The following PRKCZ variants were observed in gnomAD, a reference collection of about 807,000 sequenced individuals.
The protein encoded by PRKCZ is protein kinase C zeta, also known as protein kinase C zeta type.
A neutral mutation model predicts 79.5 loss-of-function variants in PRKCZ; 33 were observed. That is an observed-to-expected ratio of 0.41 (90% CI 0.31 to 0.55). PRKCZ has a LOEUF of 0.55. Among genes scored for constraint, PRKCZ ranks in the 20% least tolerant of loss-of-function variants. The pLI, the probability that PRKCZ is intolerant of heterozygous loss-of-function variation, is 0.19. For missense variants in PRKCZ, 578 were observed against 813.5 expected (o/e 0.71, Z 3.52); for synonymous variants, 342 against 320.9 (o/e 1.07, Z -0.70).
chr1:2,107,765 C>T (rs1351416722), intron 4 of PRKCZ, among the ~76,000 whole-genome samples: 1 of 152,142 alleles, frequency 6.6e-6, no homozygotes, highest in Admixed American at 6.5e-5. Flanking sequence ...AGGGAGCCCC[C>T]AACACCCAGC....
chr1:2,110,004 C>A (rs565907507), intron 4 of PRKCZ, among the ~76,000 whole-genome samples: 179 of 152,326 alleles, frequency 1.2e-3, no homozygotes, highest in South Asian at 2.3e-3. Context: ...AGGAGCCGGC[C>A]AGCATGGGCC....
intron 7 of PRKCZ, among the ~76,000 whole-genome samples, chr1:2,148,127 C>T (rs1312891474): frequency 2.7e-5 from 4 of 146,528 alleles, no homozygotes; most frequent in South Asian, 2.2e-4. Context: ...TGTCCACTGA[C>T]GTCTCCATCT....
chr1:2,159,507 A>G (rs935291637), intron 10 of PRKCZ, among the ~76,000 whole-genome samples: 1 of 152,222 alleles, frequency 6.6e-6, no homozygotes, highest in Non-Finnish European at 1.5e-5. Context: ...TCCAGGGGGA[A>G]CCTGGCCGAT....
intron 4 of PRKCZ, among the ~76,000 whole-genome samples, chr1:2,110,855 AG>A (rs1669600069): frequency 6.6e-6 from 1 of 152,128 alleles, no homozygotes; most frequent in Non-Finnish European, 1.5e-5. Flanking sequence ...GGCTGGTGAC[AG>A]TGGACTCTGT....
At chr1:2,098,108 A>T (rs1373008806) in intron 4 of PRKCZ, among the ~76,000 whole-genome samples, 1 of 7,602 alleles carries the variant, frequency 1.3e-4, no homozygotes, top group Non-Finnish European at 2.4e-4. Flanking sequence ...CTAAGGTCAG[A>T]GCAGGTGACC....
At chr1:2,081,807 AC>A (rs1158645529) in intron 4 of PRKCZ, among the ~76,000 whole-genome samples, 1 of 142,756 alleles carries the variant, frequency 7.0e-6, no homozygotes, top group Non-Finnish European at 1.5e-5. Context: ...CGCCCCCCAC[AC>A]CCCACCACTG....
At chr1:2,074,606 C>A in intron 4 of PRKCZ, 1 of 467,530 alleles carries the variant, frequency 2.1e-6, no homozygotes, top group Non-Finnish European at 3.9e-6. Context: ...CTCGAGCCTG[C>A]CCTCCCGCCT....
chr1:2,126,149 C>G (rs530234291), intron 4 of PRKCZ, among the ~76,000 whole-genome samples: 24 of 152,218 alleles, frequency 1.6e-4, no homozygotes, highest in Non-Finnish European at 2.9e-4. Context: ...CTCCTCCCCC[C>G]GCCTGCACCA....
chr1:2,136,479 C>T (rs528893427), intron 5 of PRKCZ, among the ~76,000 whole-genome samples: 1 of 152,156 alleles, frequency 6.6e-6, no homozygotes, highest in Non-Finnish European at 1.5e-5. Flanking sequence ...ATCATACTGC[C>T]TGGGAGGTCA....
chr1:2,071,940 C>T (rs937660974), intron 4 of PRKCZ, among the ~76,000 whole-genome samples: 1 of 152,180 alleles, frequency 6.6e-6, no homozygotes, highest in Non-Finnish European at 1.5e-5. Context: ...ACTTTATGCA[C>T]GCTGAAATCT....
intron 4 of PRKCZ, among the ~76,000 whole-genome samples, chr1:2,097,762 G>C (rs1479227140): frequency 6.6e-6 from 1 of 152,182 alleles, no homozygotes; most frequent in Non-Finnish European, 1.5e-5. Context: ...AATAAATTTT[G>C]GGTGCTGCAA....
In PRKCZ at chr1:2,156,100, A is replaced by G. The variant is rs1362849433; in HGVS notation, c.974+8A>G. The G allele has an allele frequency of 1.2e-6, 2 of 1,602,460 alleles. No individual in the cohort carries two copies. The highest frequency in any genetic ancestry group is 1.7e-4 in the Middle Eastern group (1 of 6,040). The stretch of plus-strand genomic sequence containing the variant: ...CTTCCAGACGACAAGTCGGTAAGAA[A>G]AAGAAGGGTATTTCTGATATTCTGC... On this transcript the variant is annotated splice_region_variant and intron_variant, in intron 10 of 17. Coordinates refer to ENST00000378567, the MANE Select transcript of PRKCZ (RefSeq NM_002744.6).
chr1:2,112,178 G>C (rs1557590138), intron 4 of PRKCZ, among the ~76,000 whole-genome samples: 2 of 152,164 alleles, frequency 1.3e-5, no homozygotes, highest in Non-Finnish European at 2.9e-5. Flanking sequence ...CGGGTTCCAG[G>C]AGTCTGCCTA....
chr1:2,087,183 A>G (rs963233113), intron 4 of PRKCZ, among the ~76,000 whole-genome samples: 4 of 151,982 alleles, frequency 2.6e-5, no homozygotes, highest in African/African-American at 9.7e-5. Flanking sequence ...CCCGGGTTCA[A>G]TTGATTCTCG....
intron 4 of PRKCZ, among the ~76,000 whole-genome samples, chr1:2,065,404 C>T (rs1008563070): frequency 5.9e-5 from 9 of 152,152 alleles, no homozygotes; most frequent in Admixed American, 2.0e-4. Context: ...ATCGGCCGGG[C>T]GCGGTGGCTC....
intron 1 of PRKCZ, among the ~76,000 whole-genome samples, chr1:2,055,168 T>A (rs1019363710): frequency 6.6e-6 from 1 of 152,004 alleles, no homozygotes; most frequent in Non-Finnish European, 1.5e-5. Flanking sequence ...GGTCTCGATC[T>A]CCTGACCTCG....
At chr1:2,093,130 C>T (rs1300026561) in intron 4 of PRKCZ, among the ~76,000 whole-genome samples, 3 of 151,660 alleles carry the variant, frequency 2.0e-5, no homozygotes, top group Non-Finnish European at 2.9e-5. Context: ...GACAGAGCTG[C>T]AGCTTTAGCC....
rs895581980 is a variant in PRKCZ, at chr1:2,174,234, G to A, written c.1405+218G>A. On this transcript the variant is annotated intron_variant, in intron 14 of 17. Coordinates refer to ENST00000378567, the MANE Select transcript of PRKCZ (RefSeq NM_002744.6). The surrounding 1 kb of genome is among the most constrained non-coding windows in gnomAD (Gnocchi z 6.2). ...TGTGGGTCAGCAGGAAAGAGAACCTGTCCCCATTCAGCTCCAACTCCCTCC... is the reference window on the plus strand; with the variant it reads ...TGTGGGTCAGCAGGAAAGAGAACCTATCCCCATTCAGCTCCAACTCCCTCC... Among the ~76,000 whole-genome samples the A allele has an allele frequency of 6.6e-5, 10 of 152,166 alleles. No individual in the cohort carries two copies. Among genetic ancestry groups the A allele is most frequent in the African/African-American group, 2.4e-4 (10 of 41,444 alleles).
intron 4 of PRKCZ, among the ~76,000 whole-genome samples, chr1:2,084,815 T>C (rs1281967329): frequency 6.6e-6 from 1 of 152,044 alleles, no homozygotes; most frequent in Non-Finnish European, 1.5e-5. Flanking sequence ...AAGACCAGCC[T>C]GGGCAACATG....
Sources: gnomAD v4.1 joint callset for allele counts (sites outside exome capture counted in the v4.1 genomes callset) on GRCh38, gnomAD v4.1.1 for gene constraint, Gnocchi (gnomAD v3.1) non-coding constraint, MANE v1.5 for transcripts, NCBI Gene and HGNC (gene_info 2026-07-23, HGNC 2026-07-21) for gene names.